Variants in RASAL2 observed in about 807,000 individuals in gnomAD.
RASAL2 encodes ras GTPase-activating protein nGAP.
RASAL2 carries 58 observed loss-of-function variants against 128.9 expected under a neutral mutation model. That is an observed-to-expected ratio of 0.45 (90% CI 0.36 to 0.56). The LOEUF (loss-of-function observed/expected upper bound fraction) is 0.56. RASAL2 is among the 20% of genes least tolerant of loss of function. The pLI, the probability that RASAL2 is intolerant of heterozygous loss-of-function variation, is 0.00. For synonymous variants in RASAL2, 561 were observed against 580.8 expected (o/e 0.97, Z 0.49); for missense variants, 1,360 against 1,601.6 (o/e 0.85, Z 2.57).
intron 1 of RASAL2, among the ~76,000 whole-genome samples, chr1:178,165,984 G>A (rs6685876): frequency 0.23 from 35,533 of 151,820 alleles, 4,869 homozygotes; most frequent in African/African-American, 0.38. Flanking sequence ...ATCTTTGTAC[G>A]TATGTGCACA....
At chr1:178,358,421 T>G (rs1052108540) in intron 3 of RASAL2, among the ~76,000 whole-genome samples, 2 of 151,976 alleles carry the variant, frequency 1.3e-5, no homozygotes, top group Non-Finnish European at 2.9e-5. Flanking sequence ...GACCCACAAT[T>G]TTTCACAGGA....
intron 1 of RASAL2, among the ~76,000 whole-genome samples, chr1:178,191,063 C>T (rs1012008276): frequency 1.3e-5 from 2 of 152,124 alleles, no homozygotes; most frequent in Admixed American, 6.6e-5. Flanking sequence ...GTTCACTCCA[C>T]TGAGAGATAC....
At chr1:178,468,139 T>C (rs1476079577) in intron 17 of RASAL2, among the ~76,000 whole-genome samples, 1 of 152,176 alleles carries the variant, frequency 6.6e-6, no homozygotes. Flanking sequence ...AGGCAAGAAG[T>C]GTTTCTAACT....
intron 1 of RASAL2, among the ~76,000 whole-genome samples, chr1:178,136,984 G>A (rs946637887): frequency 6.6e-6 from 1 of 152,042 alleles, no homozygotes; most frequent in Non-Finnish European, 1.5e-5. Flanking sequence ...AGATTGGAAA[G>A]GTAAGTAGGA....
At chr1:178,329,121 G>C (rs1446032075) in intron 3 of RASAL2, among the ~76,000 whole-genome samples, 1 of 152,188 alleles carries the variant, frequency 6.6e-6, no homozygotes, top group Non-Finnish European at 1.5e-5. Flanking sequence ...TGCCTTCAGG[G>C]AACTTACATT....
At chr1:178,403,678 C>T (rs1012997576) in intron 4 of RASAL2, among the ~76,000 whole-genome samples, 4 of 151,912 alleles carry the variant, frequency 2.6e-5, no homozygotes, top group Admixed American at 2.6e-4. Context: ...AGAGTAAACT[C>T]CAAATGGATT....
chr1:178,130,501 CTTA>C (rs1660063982), intron 1 of RASAL2, among the ~76,000 whole-genome samples: 1 of 152,104 alleles, frequency 6.6e-6, no homozygotes, highest in Non-Finnish European at 1.5e-5. Context: ...TATTCTTTTA[CTTA>C]TTATATATTG....
chr1:178,379,324 G>T (rs1672153282), intron 3 of RASAL2, among the ~76,000 whole-genome samples: 1 of 151,640 alleles, frequency 6.6e-6, no homozygotes, highest in Non-Finnish European at 1.5e-5. Flanking sequence ...GAGGCAGTGA[G>T]CTGTGATTCT....
intron 1 of RASAL2, among the ~76,000 whole-genome samples, chr1:178,146,471 A>C (rs1362237502): frequency 6.6e-6 from 1 of 152,252 alleles, no homozygotes; most frequent in South Asian, 2.1e-4. Flanking sequence ...AAATTATTCC[A>C]TGAGATGCTC....
chr1:178,423,720 G>C (rs556533595), intron 5 of RASAL2, among the ~76,000 whole-genome samples: 1 of 151,940 alleles, frequency 6.6e-6, no homozygotes, highest in Non-Finnish European at 1.5e-5. Flanking sequence ...GGGATGGGGG[G>C]GGATTTCTTT....
chr1:178,267,183 G>A (rs559805988), intron 1 of RASAL2, among the ~76,000 whole-genome samples: 1 of 152,184 alleles, frequency 6.6e-6, no homozygotes, highest in African/African-American at 2.4e-5. Context: ...CTCCATCCCT[G>A]TTCCCTTTTT....
intron 3 of RASAL2, among the ~76,000 whole-genome samples, chr1:178,308,459 C>G (rs1294875705): frequency 6.6e-6 from 1 of 150,722 alleles, no homozygotes; most frequent in African/African-American, 2.4e-5. Flanking sequence ...AATATGTTCT[C>G]TAGGGTATTT....
At chr1:178,152,558 G>C (rs565486342) in intron 1 of RASAL2, among the ~76,000 whole-genome samples, 3 of 152,032 alleles carry the variant, frequency 2.0e-5, no homozygotes, top group Non-Finnish European at 4.4e-5. Context: ...CCAGCTACTC[G>C]GGAGGCTGAG....
intron 4 of RASAL2, among the ~76,000 whole-genome samples, chr1:178,419,220 G>A (rs545589588): frequency 2.0e-5 from 3 of 152,108 alleles, no homozygotes; most frequent in African/African-American, 7.2e-5. Flanking sequence ...CATTCTCCAT[G>A]TGTCAAAATA....
At chr1:178,459,665 T>C (rs575136523) in intron 14 of RASAL2, among the ~76,000 whole-genome samples, 5 of 152,294 alleles carry the variant, frequency 3.3e-5, no homozygotes, top group South Asian at 2.1e-4. Context: ...AATTGGATTA[T>C]TTATAGAATC....
intron 1 of RASAL2, among the ~76,000 whole-genome samples, chr1:178,175,471 T>TGTGTGTGA (rs777301625): frequency 2.8e-4 from 43 of 151,790 alleles, no homozygotes; most frequent in East Asian, 5.8e-4. Context: ...TGTGTGTGTG[T>TGTGTGTGA]GATAACTATG....
At chr1:178,398,206 A>G (rs1673371131) in intron 4 of RASAL2, among the ~76,000 whole-genome samples, 4 of 152,140 alleles carry the variant, frequency 2.6e-5, no homozygotes, top group Admixed American at 2.6e-4. Context: ...TAAGGGAGAT[A>G]GTACTAACTA....
chr1:178,173,591 A>G (rs1276662217), intron 1 of RASAL2, among the ~76,000 whole-genome samples: 7 of 152,060 alleles, frequency 4.6e-5, no homozygotes, highest in Admixed American at 1.3e-4. Flanking sequence ...AGAAGTGCCT[A>G]AGGTCATGAT....
intron 4 of RASAL2, chr1:178,412,052 C>A: frequency 2.8e-6 from 1 of 358,304 alleles, no homozygotes. Flanking sequence ...AAATAAATTG[C>A]CATCATGTGA....
Sources: allele counts gnomAD v4.1 joint callset (sites outside exome capture counted in the v4.1 genomes callset), GRCh38; gene constraint gnomAD v4.1.1; transcripts MANE v1.5; gene names NCBI Gene and HGNC (gene_info 2026-07-23, HGNC 2026-07-21).